Variants in NHLRC3 observed in about 807,000 individuals in gnomAD.
NHLRC3 encodes NHL repeat-containing protein 3.
In NHLRC3, 23 loss-of-function variants were observed where a neutral mutation model predicts 32.0. The observed-to-expected ratio is 0.72, with a 90% CI of 0.52 to 1.02. NHLRC3 has a LOEUF of 1.02. Ranked by LOEUF, NHLRC3 falls within the 50% of genes least tolerant of loss-of-function variation. The pLI, the probability that NHLRC3 is intolerant of heterozygous loss-of-function variation, is 0.00. For synonymous variants in NHLRC3, 159 were observed against 147.9 expected, an observed-to-expected ratio of 1.08 and a Z score of -0.55; for missense variants, 407 against 406.8, an observed-to-expected ratio of 1.00 and a Z score of -0.01.
intron 4 of NHLRC3, among the ~76,000 whole-genome samples, chr13:39,043,195 T>G (rs76043031): frequency 7.7e-6 from 1 of 130,356 alleles, no homozygotes; most frequent in South Asian, 2.8e-4. Context: ...AAATGTAGAA[T>G]AAGGATAAAG....
In NHLRC3 at chr13:39,038,704, C is replaced by T; in HGVS notation, c.65C>T (p.Ser22Leu). The T allele has an allele frequency of 6.2e-7, 1 of 1,613,992 alleles. No homozygotes were observed. The highest frequency in any genetic ancestry group is 1.1e-5 in the South Asian group (1 of 91,070). ...TTTCTTGCATTTTTGGTTTTGCATT[C>T]GCGTTTTTGTGGCTCTCCAGTGAGT... ...GFFLAFLVLH[S>L]RFCGSPVLRN... is the part of the protein sequence containing the mutation. Residue 22 changes from serine (S) to leucine (L), a missense_variant, in exon 1 of 7, where the codon TCG (serine) becomes TTG (leucine). By Grantham distance (145) the Ser-to-Leu change is moderately radical. Coordinates refer to ENST00000379600, the MANE Select transcript of NHLRC3 (RefSeq NM_001012754.4).
intron 5 of NHLRC3, 120 bp from the exon 6 acceptor site, chr13:39,046,920 A>T: frequency 2.8e-6 from 2 of 721,942 alleles, no homozygotes; most frequent in Non-Finnish European, 4.8e-6. Flanking sequence ...GGACTTAACT[A>T]CCTTCTTTGG....
intron 5 of NHLRC3, 42 bp downstream of exon 5, chr13:39,044,223 ATATGTT>A (rs1310128782): frequency 8.6e-7 from 1 of 1,169,194 alleles, no homozygotes. Context: ...TTGTGTCTGA[ATATGTT>A]TGTGTGTGTG....
In NHLRC3 at chr13:39,047,124, T is replaced by G; in HGVS notation, c.763T>G (p.Phe255Val). 6.2e-7 allele frequency: 1 copy of G among 1,608,104 alleles called. No homozygotes were observed. Among genetic ancestry groups the G allele is most frequent in the South Asian group, 1.1e-5 (1 of 90,422 alleles). ...GEWLGAWNNC[F>V]TEEGPSSVRF... is the part of the protein sequence containing the mutation. Reference sequence around the variant, plus strand: ...GTGGTTAGGAGCATGGAATAATTGTTTCACAGAAGAGGGACCTTCTTCAGT... The same window carrying G: ...GTGGTTAGGAGCATGGAATAATTGTGTCACAGAAGAGGGACCTTCTTCAGT... Residue 255 changes from phenylalanine (F) to valine (V), a missense_variant, in exon 6 of 7, where the codon TTC becomes GTC. By Grantham distance (50) the Phe-to-Val change is conservative. Coordinates refer to ENST00000379600, the MANE Select transcript of NHLRC3 (RefSeq NM_001012754.4).
intron 6 of NHLRC3, 73 bp downstream of exon 6, chr13:39,047,225 C>A: frequency 2.5e-6 from 2 of 801,634 alleles, no homozygotes; most frequent in Non-Finnish European, 2.1e-6. Context: ...GAATAGCTAG[C>A]TGAAAGTTTA....
rs571325013 is a variant in NHLRC3, at chr13:39,045,284, C to T, written c.678+1103C>T. 3.3e-5 allele frequency among the ~76,000 whole-genome samples: 5 copies of T among 152,226 alleles called. No homozygotes were observed. In the South Asian group the frequency reaches 1.0e-3, roughly 32 times the overall value. ...TTGAATTAAACTTTTGCACATTATC[C>T]TCCTGAGCTTGGGTGACTCATTGTG... On this transcript the variant is annotated intron_variant, in intron 5 of 6. Coordinates refer to ENST00000379600, the MANE Select transcript of NHLRC3 (RefSeq NM_001012754.4).
rs953952389 is a variant in NHLRC3 at position 39,047,144 on chromosome 13, T to C, written c.783T>C (p.Ser261=). The C allele has an allele frequency of 3.2e-6, 5 of 1,578,668 alleles. No individual in the cohort carries two copies. Among genetic ancestry groups the C allele is most frequent in the Non-Finnish European group, 4.3e-6 (5 of 1,149,874 alleles). ...ATTGTTTCACAGAAGAGGGACCTTCTTCAGTCAGGTAATTGTTTCATTTTA... is the reference window on the plus strand; with the variant it reads ...ATTGTTTCACAGAAGAGGGACCTTCCTCAGTCAGGTAATTGTTTCATTTTA... ...WNNCFTEEGP[S]SVRFTPDGKY... The change falls in exon 6 of 7, where the codon TCT becomes TCC. Residue 261 remains serine (S), a synonymous_variant. Transcript: ENST00000379600.
intron 3 of NHLRC3, chr13:39,040,137 G>C (rs1353269191): frequency 6.7e-6 from 1 of 150,332 alleles, no homozygotes; most frequent in South Asian, 2.1e-4. Context: ...GCAGTGAGCC[G>C]AGATCGCGCC....
rs1248193822 is a variant in NHLRC3 at position 39,048,890 on chromosome 13, A to G, written c.*964A>G. 1 of 152,248 alleles carries G rather than the reference A, an allele frequency of 6.6e-6. No individual in the cohort carries two copies. The highest frequency in any genetic ancestry group is 2.4e-5 in the African/African-American group (1 of 41,314). The allele number at this position is 152,248 out of a possible 1,614,324, so 9.4% of individuals were successfully genotyped here. A position where few individuals can be genotyped will look rare whatever the true frequency, so the allele number is the denominator to read the frequency against. On this transcript the variant is annotated 3_prime_UTR_variant, in exon 7 of 7. Coordinates refer to ENST00000379600, the MANE Select transcript of NHLRC3 (RefSeq NM_001012754.4). Reference sequence around the variant, plus strand: ...TTTTACATGAACTCAACTTATTCCTAACATTTGTCTACCTCAAAGAAATTT... The same window carrying G: ...TTTTACATGAACTCAACTTATTCCTGACATTTGTCTACCTCAAAGAAATTT...
At chr13:39,047,574 G>A (rs1449530401) in intron 6 of NHLRC3, 100 bp from the exon 7 acceptor site, 21 of 799,928 alleles carry the variant, frequency 2.6e-5, no homozygotes, top group Middle Eastern at 7.4e-4. Context: ...GCAAGTAGGT[G>A]CCTACTGTTG....
intron 4 of NHLRC3, among the ~76,000 whole-genome samples, chr13:39,043,056 G>T (rs1871523979): frequency 1.3e-5 from 2 of 152,176 alleles, no homozygotes; most frequent in Admixed American, 1.3e-4. Context: ...TAGTAGAAAA[G>T]TGATGTTACA....
chr13:39,042,174 G>C lies in NHLRC3; in HGVS notation c.455G>C (p.Gly152Ala). Reference protein sequence around the residue: ...GDLVQVLGTPGKKGTSLNPLQ... With the variant: ...GDLVQVLGTPAKKGTSLNPLQ... Reference sequence around the variant, plus strand: ...CTTGTTCAAGTCTTGGGTACTCCAGGCAAAAAAGGCACTAGTTTGAATCCT... The same window carrying C: ...CTTGTTCAAGTCTTGGGTACTCCAGCCAAAAAAGGCACTAGTTTGAATCCT... The change falls in exon 4 of 7, where the codon GGC becomes GCC. Residue 152 changes from glycine to alanine, a missense_variant. By Grantham distance (60) the Gly-to-Ala change is moderately conservative (BLOSUM62 0). Transcript: ENST00000379600. 1 of 1,611,800 alleles carries C rather than the reference G, an allele frequency of 6.2e-7. No homozygotes were observed.
At position 39,047,839 on chromosome 13, in the gene NHLRC3, T is replaced by C; in HGVS notation, c.957T>C (p.Thr319=). 1 of 1,614,104 alleles carries C rather than the reference T, an allele frequency of 6.2e-7. No homozygotes were observed. Among genetic ancestry groups the C allele is most frequent in the Non-Finnish European group, 8.5e-7 (1 of 1,179,952 alleles). The change falls in exon 7 of 7, where the codon ACT becomes ACC. Residue 319 remains threonine, a synonymous_variant. Coordinates refer to ENST00000379600, the MANE Select transcript of NHLRC3 (RefSeq NM_001012754.4). The part of the protein sequence containing the change: ...LPHLLEVDRK[T]GAVYVAEIGA... ...ATCTCCTAGAAGTCGACAGAAAGACTGGAGCAGTCTATGTAGCAGAAATTG... is the reference window on the plus strand; with the variant it reads ...ATCTCCTAGAAGTCGACAGAAAGACCGGAGCAGTCTATGTAGCAGAAATTG...
Position 39,042,203 on chromosome 13 carries a change from C to T in NHLRC3, c.484C>T (p.Gln162Ter), listed in dbSNP as rs1168838389. ...AAAAGGCACTAGTTTGAATCCTTTGCAGTTTGATAACCCAGCAGAATTATA... is the reference window on the plus strand; with the variant it reads ...AAAAGGCACTAGTTTGAATCCTTTGTAGTTTGATAACCCAGCAGAATTATA... ...GKKGTSLNPL[Q>*]FDNPAELYVE... Residue 162 changes from glutamine (Q) to a stop codon, truncating the protein, a stop_gained, in exon 4 of 7, where the codon CAG becomes TAG. Transcript: ENST00000379600. LOFTEE classifies it high-confidence loss of function. 6.2e-7 allele frequency: 1 copy of T among 1,609,588 alleles called. No homozygotes were observed. The highest frequency in any genetic ancestry group is 1.1e-5 in the South Asian group (1 of 91,004).
chr13:39,047,276 T>G, intron 6 of NHLRC3, 124 bp downstream of exon 6: 2 of 618,120 alleles, frequency 3.2e-6, no homozygotes, highest in Non-Finnish European at 5.6e-6. Context: ...AAAATAGAAA[T>G]ATACAGAGAA....
Position 39,039,556 on chromosome 13 carries a change from A to C in NHLRC3, c.238-8A>C. On this transcript the variant is annotated splice_polypyrimidine_tract_variant and splice_region_variant and intron_variant, in intron 2 of 6. Transcript: ENST00000379600. The stretch of plus-strand genomic sequence containing the variant: ...GATCCTAAGAAGTTATTTTTTGTAT[A>C]CCTTCAGAGAGGGGATAACATCCCA... The C allele has an allele frequency of 1.9e-6, 3 of 1,602,980 alleles. No homozygotes were observed.
Position 39,044,125 on chromosome 13 carries a change from A to G in NHLRC3, c.622A>G (p.Thr208Ala), listed in dbSNP as rs770848156. The stretch of plus-strand genomic sequence containing the variant: ...CCTTTGGCTGCATGGAGAAAATGGG[A>G]CAGGGCCTGCTAAGTTCAACATACC... ...MILWLHGENG[T>A]GPAKFNIPHS... is the part of the protein sequence containing the mutation. Residue 208 changes from threonine (T) to alanine (A), a missense_variant, in exon 5 of 7, where the codon ACA becomes GCA. Thr to Ala is a moderately conservative substitution (Grantham distance 58). Coordinates refer to ENST00000379600, the MANE Select transcript of NHLRC3 (RefSeq NM_001012754.4). The G allele has an allele frequency of 1.6e-5, 26 of 1,613,756 alleles. No homozygotes were observed. The highest frequency in any genetic ancestry group is 2.2e-5 in the Non-Finnish European group (26 of 1,179,790).
At position 39,038,739 on chromosome 13, in the gene NHLRC3, A is replaced by AGGAAATGACTGTCGGGTGTGC. The variant is rs1224981370; in HGVS notation, c.84+19_84+39dup. 6.2e-7 allele frequency: 1 copy of AGGAAATGACTGTCGGGTGTGC among 1,602,314 alleles called. No individual in the cohort carries two copies. Among genetic ancestry groups the AGGAAATGACTGTCGGGTGTGC allele is most frequent in the Non-Finnish European group, 8.6e-7 (1 of 1,169,284 alleles). On this transcript the variant is annotated intron_variant, in intron 1 of 6. Transcript: ENST00000379600. ...TGGCTCTCCAGTGAGTTGGGTAGTG[A>AGGAAATGACTGTCGGGTGTGC]GGAAATGACTGTCGGGTGTGCGGGT...
chr13:39,044,299 A>C (rs1871583930), intron 5 of NHLRC3, 118 bp downstream of exon 5: 6 of 759,608 alleles, frequency 7.9e-6, no homozygotes, highest in Admixed American at 5.7e-5. Flanking sequence ...TGTGGTATAC[A>C]TGTGTGTCTG....
Sources: allele counts gnomAD v4.1 joint callset (sites outside exome capture counted in the v4.1 genomes callset), GRCh38; gene constraint gnomAD v4.1.1; transcripts MANE v1.5; gene names NCBI Gene and HGNC (gene_info 2026-07-23, HGNC 2026-07-21).